BMP5: variants seen among roughly 807,000 people sequenced by gnomAD.
BMP5 encodes bone morphogenetic protein 5.
Under a neutral mutation model 46.6 loss-of-function variants are expected in BMP5, and 23 were observed. The ratio of observed to expected loss-of-function variants is 0.49; its 90% confidence interval spans 0.35 to 0.70. The LOEUF (loss-of-function observed/expected upper bound fraction) is 0.70. Ranked by LOEUF, BMP5 falls within the 30% of genes least tolerant of loss-of-function variation. The pLI is 0.00. For missense variants in BMP5, 545 were observed against 565.6 expected (o/e 0.96, Z 0.37); for synonymous variants, 204 against 191.9 (o/e 1.06, Z -0.52).
At chr6:55,819,540 A>T in intron 2 of BMP5, 115 bp downstream of exon 2, 1 of 853,550 alleles carries the variant, frequency 1.2e-6, no homozygotes, top group Non-Finnish European at 1.9e-6. Context: ...TCTAAATGTT[A>T]CTACATTGCC....
chr6:55,775,936 T>C (rs1582054868), intron 3 of BMP5, among the ~76,000 whole-genome samples: 1 of 146,468 alleles, frequency 6.8e-6, no homozygotes, highest in African/African-American at 2.5e-5. Flanking sequence ...AAAAAAAGGC[T>C]GCATCAATTT....
intron 1 of BMP5, among the ~76,000 whole-genome samples, chr6:55,829,343 T>C (rs112488163): frequency 5.3e-4 from 81 of 151,734 alleles, no homozygotes; most frequent in African/African-American, 1.9e-3. Context: ...ATGTTGGTTT[T>C]CTTGTTTTTT....
chr6:55,845,015 T>C (rs769885118), intron 1 of BMP5, among the ~76,000 whole-genome samples: 27 of 152,082 alleles, frequency 1.8e-4, no homozygotes, highest in Non-Finnish European at 3.1e-4. Context: ...CTATCAGTTA[T>C]ATTTATTATT....
rs547359230 is a variant in BMP5, at chr6:55,815,725, C to A, written c.683+3930G>T. Reference sequence around the variant, plus strand: ...ATTTTTGTAAGGATAATTAAAATTTCCCAAAACTATGAAGTCACGTGAACT... The same window carrying A: ...ATTTTTGTAAGGATAATTAAAATTTACCAAAACTATGAAGTCACGTGAACT... On this transcript the variant is annotated intron_variant, in intron 2 of 6. Coordinates refer to ENST00000370830, the MANE Select transcript of BMP5 (RefSeq NM_021073.4). Among the ~76,000 whole-genome samples the A allele has an allele frequency of 6.6e-5, 10 of 152,072 alleles. No individual in the cohort carries two copies. The South Asian group carries it at 2.1e-3, about 32-fold the overall frequency.
Position 55,755,548 on chromosome 6 carries a change from T to C in BMP5, c.1350A>G (p.Ser450=). 16 of 1,610,502 alleles carry C rather than the reference T, an allele frequency of 9.9e-6. No individual in the cohort carries two copies. The highest frequency in any genetic ancestry group is 1.4e-5 in the Non-Finnish European group (16 of 1,177,460). The change falls in exon 7 of 7, where the codon TCA becomes TCG. Residue 450 remains serine (S), a synonymous_variant. Coordinates refer to ENST00000370830, the MANE Select transcript of BMP5 (RefSeq NM_021073.4). The part of the protein sequence containing the change: ...LKKYRNMVVR[S]CGCH ...TTATTTAATATTAGTGGCAGCCACA[T>C]GAGCGTACTACCATATTTCTATATT...
intron 1 of BMP5, among the ~76,000 whole-genome samples, chr6:55,820,676 C>A (rs1325809193): frequency 2.0e-5 from 3 of 152,048 alleles, no homozygotes; most frequent in African/African-American, 7.2e-5. Flanking sequence ...ATTTGGCATC[C>A]CAAAGTTCTG....
chr6:55,803,668 T>C (rs1775910988), intron 2 of BMP5, among the ~76,000 whole-genome samples: 1 of 152,212 alleles, frequency 6.6e-6, no homozygotes, highest in Non-Finnish European at 1.5e-5. Context: ...CTCCGTCAGC[T>C]TCTCCAAATT....
intron 1 of BMP5, among the ~76,000 whole-genome samples, chr6:55,854,306 T>C (rs1777332647): frequency 6.6e-6 from 1 of 152,128 alleles, no homozygotes; most frequent in South Asian, 2.1e-4. Flanking sequence ...GATAAAGTCA[T>C]TGACAAATTT....
chr6:55,859,890 G>A (rs1188830229), intron 1 of BMP5, among the ~76,000 whole-genome samples: 1 of 152,176 alleles, frequency 6.6e-6, no homozygotes, highest in Non-Finnish European at 1.5e-5. Flanking sequence ...AACACACTGA[G>A]GAATCCTGTC....
At chr6:55,757,592 A>G (rs1037704376) in intron 6 of BMP5, among the ~76,000 whole-genome samples, 2 of 151,982 alleles carry the variant, frequency 1.3e-5, no homozygotes, top group Non-Finnish European at 2.9e-5. Context: ...ACACTATTCC[A>G]TATAAAGAAG....
chr6:55,773,521 G>C (rs975132598), intron 4 of BMP5, among the ~76,000 whole-genome samples: 3 of 117,838 alleles, frequency 2.5e-5, no homozygotes, highest in African/African-American at 3.6e-5. Context: ...GTGTGTGTGT[G>C]TGTGTGTAGA....
chr6:55,759,431 A>G (rs957407051), intron 5 of BMP5, among the ~76,000 whole-genome samples: 3 of 151,836 alleles, frequency 2.0e-5, no homozygotes, highest in Non-Finnish European at 4.4e-5. Context: ...TTAAACATGT[A>G]TTCACGAATA....
rs565773566 is a variant in BMP5 at position 55,846,135 on chromosome 6, A to G, written c.491-26288T>C. Among the ~76,000 whole-genome samples, 193 of 152,144 alleles carry G rather than the reference A, an allele frequency of 1.3e-3. 8 individuals are homozygous for G. In the South Asian group the frequency reaches 0.039, roughly 31 times the overall value. ...AAACTCCCATAAATATAAATTGTTCATTCTTCAGTTGCTAATAATAATGAA... is the reference window on the plus strand; with the variant it reads ...AAACTCCCATAAATATAAATTGTTCGTTCTTCAGTTGCTAATAATAATGAA... On this transcript the variant is annotated intron_variant, in intron 1 of 6. Transcript: ENST00000370830.
chr6:55,868,775 T>C (rs1298613603), intron 1 of BMP5, among the ~76,000 whole-genome samples: 3 of 152,194 alleles, frequency 2.0e-5, no homozygotes, highest in Admixed American at 6.5e-5. Context: ...TGTCAGACTT[T>C]GTGAGCTGAA....
At chr6:55,767,675 T>C (rs149934919) in intron 4 of BMP5, among the ~76,000 whole-genome samples, 3 of 152,104 alleles carry the variant, frequency 2.0e-5, no homozygotes, top group Non-Finnish European at 2.9e-5. Context: ...AGGGCACAGA[T>C]AGCAACTTTT....
intron 1 of BMP5, among the ~76,000 whole-genome samples, chr6:55,837,009 A>G (rs190907158): frequency 6.6e-6 from 1 of 152,312 alleles, no homozygotes; most frequent in Admixed American, 6.5e-5. Context: ...AAGTATGGGA[A>G]GAATTGCTGA....
At chr6:55,872,990 G>A (rs929184280) in intron 1 of BMP5, among the ~76,000 whole-genome samples, 3 of 151,808 alleles carry the variant, frequency 2.0e-5, no homozygotes, top group Non-Finnish European at 3.0e-5. Context: ...TTAATTATAC[G>A]TAGAAGAAAA....
At chr6:55,838,969 T>C (rs916824083) in intron 1 of BMP5, among the ~76,000 whole-genome samples, 1 of 152,194 alleles carries the variant, frequency 6.6e-6, no homozygotes, top group Admixed American at 6.5e-5. Context: ...TTGGATGAGT[T>C]TGAATAGACG....
At chr6:55,813,691 G>A (rs867366872) in intron 2 of BMP5, among the ~76,000 whole-genome samples, 1 of 151,594 alleles carries the variant, frequency 6.6e-6, no homozygotes, top group Middle Eastern at 3.2e-3. Context: ...GGAGGCTGAG[G>A]CAGGAGAACA....
Sources: gnomAD v4.1 joint callset for allele counts (sites outside exome capture counted in the v4.1 genomes callset) on GRCh38, gnomAD v4.1.1 for gene constraint, MANE v1.5 for transcripts, NCBI Gene and HGNC (gene_info 2026-07-23, HGNC 2026-07-21) for gene names.